Variants in MAGEB10 observed in about 807,000 individuals in gnomAD.
The protein encoded by MAGEB10 is MAGE family member B10.
For synonymous variants in MAGEB10, 99 were observed against 101.0 expected (o/e 0.98, Z 0.12); for missense variants, 190 against 261.9 (o/e 0.73, Z 1.89).
chrX:27,812,246 G>T, intron 1 of MAGEB10: 2 of 161,277 alleles, frequency 1.2e-5, no homozygotes, highest in Middle Eastern at 7.8e-4. Flanking sequence ...TGCATTACCT[G>T]CTGTACAAAT....
intron 1 of MAGEB10, chrX:27,812,884 G>A (rs774805829): frequency 1.2e-5 from 3 of 240,078 alleles, no homozygotes; most frequent in African/African-American, 5.6e-5. Context: ...GCCAGTGCAC[G>A]TTCCAAGGCC....
At chrX:27,815,687 A>C (rs2147395062) in intron 1 of MAGEB10, among the ~76,000 whole-genome samples, 1 of 112,344 alleles carries the variant, frequency 8.9e-6, no homozygotes, top group South Asian at 3.7e-4. Context: ...CAGAAATTGG[A>C]TTCCTATAAA....
rs750611104 is a variant in MAGEB10 at position 27,819,471 on chromosome X, G to C, written c.-50+1769G>C. On this transcript the variant is annotated intron_variant, in intron 2 of 2. Coordinates refer to ENST00000356790, the MANE Select transcript of MAGEB10 (RefSeq NM_182506.3). Reference sequence around the variant, plus strand: ...AGAGTTCCAGAGATTTCCAGGTCCTGTCAGGAGTTAAGTTAAAGACCTTAA... The same window carrying C: ...AGAGTTCCAGAGATTTCCAGGTCCTCTCAGGAGTTAAGTTAAAGACCTTAA... 3.6e-5 allele frequency among the ~76,000 whole-genome samples: 4 copies of C among 111,520 alleles called. No homozygotes were observed. The South Asian group carries it at 1.5e-3, about 42-fold the overall frequency.
chrX:27,813,546 G>T (rs753792969), intron 1 of MAGEB10, among the ~76,000 whole-genome samples: 1 of 111,925 alleles, frequency 8.9e-6, no homozygotes, highest in Non-Finnish European at 1.9e-5. Flanking sequence ...GCACTGAATT[G>T]TAGAGTCTAA....
At chrX:27,811,985 G>C (rs151184951) in intron 1 of MAGEB10, 45 of 124,285 alleles carry the variant, frequency 3.6e-4, no homozygotes, top group Non-Finnish European at 7.6e-4. Flanking sequence ...CTGTAGCAGA[G>C]GAAGGAGAGT....
intron 1 of MAGEB10, among the ~76,000 whole-genome samples, chrX:27,816,913 G>A (rs186867009): frequency 9.1e-6 from 1 of 110,398 alleles, no homozygotes; most frequent in African/African-American, 3.3e-5. Context: ...TTCTATCCTT[G>A]GTTCATATGG....
At chrX:27,812,601 T>C in intron 1 of MAGEB10, 1 of 206,819 alleles carries the variant, frequency 4.8e-6, no homozygotes, top group Non-Finnish European at 9.7e-6. Flanking sequence ...GCACGTCATC[T>C]ATGGAGAGCC....
chrX:27,815,955 G>C (rs1295017407), intron 1 of MAGEB10, among the ~76,000 whole-genome samples: 8 of 111,186 alleles, frequency 7.2e-5, no homozygotes, highest in African/African-American at 9.8e-5. Flanking sequence ...GTTCTTTGTG[G>C]TTGTAAGAAG....
At chrX:27,812,883 C>T (rs974369873) in intron 1 of MAGEB10, 8 of 239,253 alleles carry the variant, frequency 3.3e-5, no homozygotes, top group African/African-American at 5.7e-5. Context: ...GGCCAGTGCA[C>T]GTTCCAAGGC....
chrX:27,818,183 C>T (rs951710269), intron 2 of MAGEB10, among the ~76,000 whole-genome samples: 5 of 110,786 alleles, frequency 4.5e-5, no homozygotes, highest in African/African-American at 1.3e-4. Flanking sequence ...TGCTACCCTG[C>T]GTCAATTAAT....
rs927668854 is a variant in MAGEB10, at chrX:27,821,353, G to A, written c.47G>A (p.Arg16His). The A allele has an allele frequency of 2.5e-6, 3 of 1,211,656 alleles. No homozygotes were observed. The highest frequency in any genetic ancestry group is 3.4e-6 in the Non-Finnish European group (3 of 895,374). The change falls in exon 3 of 3, where the codon CGT (arginine) becomes CAT (histidine). Residue 16 changes from arginine to histidine, a missense_variant. Transcript: ENST00000356790. ...KSKLRAREKR[R>H]QARGGLEDLI... ...AAACTCCGTGCCAGGGAAAAACGCC[G>A]TCAGGCCCGAGGAGGGCTGGAAGAT...
intron 1 of MAGEB10, among the ~76,000 whole-genome samples, 158 bp from the exon 2 acceptor site, chrX:27,817,396 A>AT (rs1257437123): frequency 9.0e-6 from 1 of 110,871 alleles, no homozygotes; most frequent in Non-Finnish European, 1.9e-5. Context: ...ACCTCCTCAT[A>AT]TGTAACCACA....
intron 1 of MAGEB10, among the ~76,000 whole-genome samples, chrX:27,815,080 C>A (rs765264418): frequency 4.5e-5 from 5 of 111,804 alleles, no homozygotes; most frequent in South Asian, 3.8e-4. Context: ...GTGCTGGCAC[C>A]TGGGACCAGA....
intron 2 of MAGEB10, among the ~76,000 whole-genome samples, chrX:27,818,204 A>G (rs1052823734): frequency 9.0e-6 from 1 of 110,882 alleles, no homozygotes; most frequent in Non-Finnish European, 1.9e-5. Context: ...ACCAGTTATG[A>G]TATTAATTGA....
At chrX:27,817,360 C>T (rs1266849528) in intron 1 of MAGEB10, among the ~76,000 whole-genome samples, 194 bp from the exon 2 acceptor site, 1 of 109,904 alleles carries the variant, frequency 9.1e-6, no homozygotes, top group Non-Finnish European at 1.9e-5. Flanking sequence ...ATTTCGCTTC[C>T]TTACTATGTC....
chrX:27,813,909 G>A (rs1230770449), intron 1 of MAGEB10, among the ~76,000 whole-genome samples: 2 of 111,735 alleles, frequency 1.8e-5, no homozygotes, highest in Non-Finnish European at 3.8e-5. Context: ...TTTTTCCAGT[G>A]CAGTTGGGCA....
chrX:27,822,212 A>G lies in MAGEB10; in HGVS notation c.906A>G (p.Glu302=), dbSNP rs1923902714. 2.5e-6 allele frequency: 3 copies of G among 1,209,922 alleles called. No homozygotes were observed. The African/African-American group carries it at 5.2e-5, about 21-fold the overall frequency. Residue 302 remains glutamate (E), a synonymous_variant, in exon 3 of 3, where the codon GAA becomes GAG. Coordinates refer to ENST00000356790, the MANE Select transcript of MAGEB10 (RefSeq NM_182506.3). ...AGGTAAATGATACAGCTCCCAGTGA[A>G]TTCTCAAACTGGTATACAGAGGCTT... ...LAKVNDTAPS[E]FSNWYTEALQ...
intron 2 of MAGEB10, among the ~76,000 whole-genome samples, chrX:27,818,597 T>A (rs1301182529): frequency 3.6e-5 from 4 of 112,226 alleles, no homozygotes; most frequent in Admixed American, 2.8e-4. Flanking sequence ...CTAACATCAC[T>A]GACTTCTTTG....
At chrX:27,810,785 G>A (rs866944236) in intron 1 of MAGEB10, among the ~76,000 whole-genome samples, 1 of 36,961 alleles carries the variant, frequency 2.7e-5, no homozygotes, top group Admixed American at 1.9e-4. Context: ...CATGACTCTC[G>A]GCTAAGGTAT....
Sources: gnomAD v4.1 joint callset for allele counts (sites outside exome capture counted in the v4.1 genomes callset) on GRCh38, gnomAD v4.1.1 for gene constraint, MANE v1.5 for transcripts, NCBI Gene and HGNC (gene_info 2026-07-23, HGNC 2026-07-21) for gene names.